ZNF649: variants seen among roughly 807,000 people sequenced by gnomAD.
ZNF649 encodes zinc finger protein 649.
Under a neutral mutation model 14.1 loss-of-function variants are expected in ZNF649, and 7 were observed. The ratio of observed to expected loss-of-function variants is 0.49; its 90% CI spans 0.28 to 0.93. The LOEUF is 0.93. ZNF649 is among the 40% of genes least tolerant of loss of function. The pLI is 0.10. For synonymous variants in ZNF649, 227 were observed against 212.3 expected, an observed-to-expected ratio of 1.07 and a Z score of -0.60; for missense variants, 544 against 608.1, an observed-to-expected ratio of 0.89 and a Z score of 1.11.
chr19:51,892,159 AG>A (rs2085027887), intron 4 of ZNF649, among the ~76,000 whole-genome samples: 1 of 149,164 alleles, frequency 6.7e-6, no homozygotes, highest in South Asian at 2.1e-4. Flanking sequence ...GTGGATCACA[AG>A]GTCAAGAGAT....
chr19:51,897,973 T>G (rs1415141612), intron 2 of ZNF649, among the ~76,000 whole-genome samples: 1 of 151,196 alleles, frequency 6.6e-6, no homozygotes, highest in African/African-American at 2.4e-5. Context: ...AATACAAAAA[T>G]TAGGTGGGCA....
At chr19:51,896,731 G>C (rs538679702) in intron 3 of ZNF649, 121 bp downstream of exon 3, 26 of 1,601,954 alleles carry the variant, frequency 1.6e-5, no homozygotes, top group Non-Finnish European at 2.1e-5. Context: ...TGTGGGACCA[G>C]AGACGGGCCT....
intron 4 of ZNF649, among the ~76,000 whole-genome samples, chr19:51,894,047 G>A (rs557464127): frequency 6.2e-4 from 95 of 152,182 alleles, no homozygotes; most frequent in African/African-American, 1.3e-3. Context: ...TTACCATGAC[G>A]CATCCACTTT....
chr19:51,896,650 G>A, intron 3 of ZNF649, 83 bp from the exon 4 acceptor site: 1 of 1,537,744 alleles, frequency 6.5e-7, no homozygotes, highest in South Asian at 1.1e-5. Flanking sequence ...TACATGTTAG[G>A]GACTGCATAA....
chr19:51,896,689 T>C (rs976445952), intron 3 of ZNF649, 122 bp from the exon 4 acceptor site: 1 of 1,567,638 alleles, frequency 6.4e-7, no homozygotes, highest in Non-Finnish European at 8.8e-7. Flanking sequence ...AAAGGCTTTT[T>C]TTCTAAGACG....
chr19:51,892,077 A>G (rs1486274392), intron 4 of ZNF649, among the ~76,000 whole-genome samples, 180 bp from the exon 5 acceptor site: 4 of 151,890 alleles, frequency 2.6e-5, no homozygotes, highest in Non-Finnish European at 2.9e-5. Flanking sequence ...TTAAATACAT[A>G]TAAGATAAAA....
chr19:51,899,476 A>T (rs2085083123), intron 2 of ZNF649, among the ~76,000 whole-genome samples: 1 of 152,200 alleles, frequency 6.6e-6, no homozygotes, highest in Non-Finnish European at 1.5e-5. Flanking sequence ...TTAGGCAATT[A>T]GGTTTACTCA....
chr19:51,897,401 A>C (rs1436013769), intron 2 of ZNF649, among the ~76,000 whole-genome samples: 1 of 152,204 alleles, frequency 6.6e-6, no homozygotes, highest in African/African-American at 2.4e-5. Flanking sequence ...AAGTTTCTGT[A>C]ATATGCAGCC....
intron 2 of ZNF649, among the ~76,000 whole-genome samples, chr19:51,898,420 A>G (rs2122768748): frequency 6.6e-6 from 1 of 152,284 alleles, no homozygotes; most frequent in Admixed American, 6.5e-5. Context: ...AAAATGTCAC[A>G]CAATTACAGT....
At chr19:51,898,890 C>T (rs971086260) in intron 2 of ZNF649, among the ~76,000 whole-genome samples, 1 of 151,734 alleles carries the variant, frequency 6.6e-6, no homozygotes, top group Non-Finnish European at 1.5e-5. Context: ...TCCAGCCTGG[C>T]AACAGAGCAA....
chr19:51,900,369 T>G, intron 1 of ZNF649, 75 bp from the exon 2 acceptor site: 1 of 373,974 alleles, frequency 2.7e-6, no homozygotes, highest in Non-Finnish European at 4.8e-6. Context: ...TGCTGTAAAC[T>G]CTCCTGCAGT....
intron 4 of ZNF649, among the ~76,000 whole-genome samples, chr19:51,892,849 A>G (rs1449274002): frequency 6.6e-6 from 1 of 152,244 alleles, no homozygotes; most frequent in Non-Finnish European, 1.5e-5. Context: ...AAGGACATAC[A>G]GGTAAGGGTT....
intron 2 of ZNF649, 125 bp downstream of exon 2, chr19:51,899,968 A>C: frequency 1.3e-6 from 1 of 750,044 alleles, no homozygotes; most frequent in Non-Finnish European, 2.0e-6. Flanking sequence ...GGTACAGTCT[A>C]AGTCTGTTTC....
At chr19:51,896,644 T>A in intron 3 of ZNF649, 77 bp from the exon 4 acceptor site, 1 of 1,537,768 alleles carries the variant, frequency 6.5e-7, no homozygotes, top group Non-Finnish European at 9.0e-7. Context: ...GAAAGGTACA[T>A]GTTAGGGACT....
In ZNF649 at chr19:51,891,476, C is replaced by T. The variant is rs992276020; in HGVS notation, c.660G>A (p.Arg220=). The change falls in exon 5 of 5, where the codon AGG becomes AGA. Residue 220 remains arginine (R), a synonymous_variant. Coordinates refer to ENST00000354957, the MANE Select transcript of ZNF649 (RefSeq NM_023074.4). This position sits in a 1 kb window ranked among gnomAD's most constrained non-coding sequence, Gnocchi z 4.2. Reference sequence around the variant, plus strand: ...TGTGAGCTCTCTCGTGTTCAGTGAGCCTGTACTTCTTGTAGAAGGCTTTCC... The same window carrying T: ...TGTGAGCTCTCTCGTGTTCAGTGAGTCTGTACTTCTTGTAGAAGGCTTTCC... ...LCGKAFYKKY[R]LTEHERAHRG... is the part of the protein sequence containing the mutation. 2.7e-5 allele frequency: 43 copies of T among 1,614,020 alleles called. 2 individuals carry two copies. In the East Asian group the frequency reaches 9.1e-4, roughly 34 times the overall value.
chr19:51,891,253 AT>A lies in ZNF649; in HGVS notation c.882del (p.Glu294AspfsTer69). ...GATTTTCTGGAGAAAGCTCTCCCAC[AT>A]TCGCTGCATTGATGGGGCTTAATTC... The part of the protein sequence containing the change: ...HTGIKPHQCS[E>X]CGRAFSRKSL... On this transcript the variant is annotated frameshift_variant, in exon 5 of 5. Coordinates refer to ENST00000354957, the MANE Select transcript of ZNF649 (RefSeq NM_023074.4). LOFTEE classifies it low-confidence loss of function (END_TRUNC). The surrounding 1 kb of genome is among the most constrained non-coding windows in gnomAD (Gnocchi z 4.2). The A allele has an allele frequency of 6.2e-7, 1 of 1,614,228 alleles. No homozygotes were observed. The highest frequency in any genetic ancestry group is 8.5e-7 in the Non-Finnish European group (1 of 1,180,036).
In ZNF649 at chr19:51,896,587, G is replaced by A. The variant is rs143630891; in HGVS notation, c.143-20C>T. The A allele has an allele frequency of 1.9e-6, 3 of 1,612,278 alleles. No individual in the cohort carries two copies. Among genetic ancestry groups the A allele is most frequent in the African/African-American group, 1.3e-5 (1 of 75,020 alleles). On this transcript the variant is annotated intron_variant, in intron 3 of 4. Coordinates refer to ENST00000354957, the MANE Select transcript of ZNF649 (RefSeq NM_023074.4). ...GATACCCTGTTTGTGGGAAATGGGAGAAGACTTAGGCTCACTGAATTGCAC... is the reference window on the plus strand; with the variant it reads ...GATACCCTGTTTGTGGGAAATGGGAAAAGACTTAGGCTCACTGAATTGCAC...
intron 2 of ZNF649, among the ~76,000 whole-genome samples, chr19:51,898,264 C>T (rs911164398): frequency 1.3e-5 from 2 of 151,990 alleles, no homozygotes; most frequent in Admixed American, 6.5e-5. Flanking sequence ...TTTCAGGGCT[C>T]GGTCCCACAA....
chr19:51,896,881 A>C lies in ZNF649; in HGVS notation c.113T>G (p.Leu38Trp), dbSNP rs1330754404. 6.2e-7 allele frequency: 1 copy of C among 1,614,166 alleles called. No homozygotes were observed. Among genetic ancestry groups the C allele is most frequent in the Non-Finnish European group, 8.5e-7 (1 of 1,180,006 alleles). ...TGACACAAGGTTGCTGTAGTTCTCC[A>C]ACATCACATCCCGGTACAGGTCCTT... is the stretch of plus-strand genomic sequence containing the variant. The part of the protein sequence containing the change: ...AQKDLYRDVM[L>W]ENYSNLVSVG... The change falls in exon 3 of 5, where the codon TTG becomes TGG. Residue 38 changes from leucine to tryptophan, a missense_variant. Leu to Trp is a moderately conservative substitution (Grantham distance 61). Coordinates refer to ENST00000354957, the MANE Select transcript of ZNF649 (RefSeq NM_023074.4).
Sources: gnomAD v4.1 joint callset for allele counts (sites outside exome capture counted in the v4.1 genomes callset) on GRCh38, gnomAD v4.1.1 for gene constraint, Gnocchi (gnomAD v3.1) non-coding constraint, MANE v1.5 for transcripts, NCBI Gene and HGNC (gene_info 2026-07-23, HGNC 2026-07-21) for gene names.